Variants in ANO6 observed in about 807,000 individuals in gnomAD.
The protein encoded by ANO6 is anoctamin 6, also known as anoctamin-6.
Under a neutral mutation model 117.5 loss-of-function variants are expected in ANO6, and 106 were observed. The observed-to-expected ratio is 0.90, with a 90% CI of 0.77 to 1.06. The LOEUF (loss-of-function observed/expected upper bound fraction) is 1.06, where lower values mean the gene tolerates loss of function less well. Ranked by LOEUF, ANO6 falls within the 50% of genes least tolerant of loss-of-function variation. The probability of loss-of-function intolerance (pLI) is 0.00; values close to 1 mark genes in which losing one functional copy is unlikely to be tolerated. For synonymous variants in ANO6, 367 were observed against 385.1 expected (o/e 0.95, Z 0.55); for missense variants, 955 against 1,121.1 (o/e 0.85, Z 2.12).
intron 1 of ANO6, among the ~76,000 whole-genome samples, chr12:45,275,429 C>T (rs1428596595): frequency 2.6e-5 from 4 of 152,032 alleles, no homozygotes; most frequent in East Asian, 1.9e-4. Flanking sequence ...AGGCTGGTCT[C>T]GAACTCCTGA....
rs554474385 is a variant in ANO6 at position 45,293,960 on chromosome 12, C to T, written c.71-8054C>T. Among the ~76,000 whole-genome samples the T allele has an allele frequency of 9.9e-5, 15 of 152,116 alleles. No homozygotes were observed. The South Asian group carries it at 2.7e-3, about 27-fold the overall frequency. On this transcript the variant is annotated intron_variant, in intron 1 of 19. Coordinates refer to ENST00000320560, the MANE Select transcript of ANO6 (RefSeq NM_001025356.3). ...TAATAATGTGGCAGGTTTTACTAGACATCCAAATTAGTGCTATAGGAGCAT... is the reference window on the plus strand; with the variant it reads ...TAATAATGTGGCAGGTTTTACTAGATATCCAAATTAGTGCTATAGGAGCAT...
chr12:45,294,209 T>C (rs1939213049), intron 1 of ANO6, among the ~76,000 whole-genome samples: 1 of 152,154 alleles, frequency 6.6e-6, no homozygotes, highest in Admixed American at 6.5e-5. Context: ...GATTGGGGAA[T>C]TGAACTGATG....
intron 1 of ANO6, among the ~76,000 whole-genome samples, chr12:45,295,618 G>A (rs1939264695): frequency 6.6e-6 from 1 of 151,942 alleles, no homozygotes; most frequent in Admixed American, 6.6e-5. Context: ...CAGGGGTACA[G>A]GGGCCCAATT....
At chr12:45,369,651 C>G (rs1034862681) in intron 9 of ANO6, among the ~76,000 whole-genome samples, 12 of 151,920 alleles carry the variant, frequency 7.9e-5, no homozygotes, top group African/African-American at 2.9e-4. Context: ...AAAGAAAAAG[C>G]ACTTTTTCTG....
chr12:45,245,923 C>T (rs983370403), intron 1 of ANO6, among the ~76,000 whole-genome samples: 6 of 146,262 alleles, frequency 4.1e-5, no homozygotes, highest in African/African-American at 1.5e-4. Flanking sequence ...TAGGATTCCA[C>T]ATGTTAGATT....
intron 17 of ANO6, 86 bp from the exon 18 acceptor site, chr12:45,420,985 A>G (rs1943344739): frequency 2.1e-6 from 3 of 1,428,870 alleles, no homozygotes; most frequent in Non-Finnish European, 3.0e-6. Context: ...AGATCGTGCC[A>G]TGCAGCCTGG....
chr12:45,296,416 G>A (rs565603207), intron 1 of ANO6, among the ~76,000 whole-genome samples: 9 of 152,270 alleles, frequency 5.9e-5, no homozygotes, highest in African/African-American at 1.2e-4. Context: ...CCTGGCACAC[G>A]AATGTCTTTA....
intron 16 of ANO6, among the ~76,000 whole-genome samples, chr12:45,414,103 G>A (rs1943155043): frequency 1.3e-5 from 2 of 151,938 alleles, no homozygotes; most frequent in Non-Finnish European, 2.9e-5. Context: ...CAGTGGTGAG[G>A]GTCTCAGCAG....
At chr12:45,240,683 T>TG (rs1435635120) in intron 1 of ANO6, among the ~76,000 whole-genome samples, 1 of 152,204 alleles carries the variant, frequency 6.6e-6, no homozygotes. Flanking sequence ...TTGCAGTGGC[T>TG]GGTACTGGTT....
At chr12:45,278,144 A>T (rs1218060911) in intron 1 of ANO6, among the ~76,000 whole-genome samples, 1 of 152,006 alleles carries the variant, frequency 6.6e-6, no homozygotes, top group African/African-American at 2.4e-5. Context: ...TTTTGTAGAG[A>T]CAGGGTCTCT....
intron 9 of ANO6, among the ~76,000 whole-genome samples, chr12:45,375,660 A>G (rs1292344583): frequency 6.6e-6 from 1 of 152,018 alleles, no homozygotes; most frequent in Non-Finnish European, 1.5e-5. Context: ...ATATGTAGAA[A>G]GCTGAAACTG....
intron 1 of ANO6, among the ~76,000 whole-genome samples, chr12:45,231,289 A>T (rs186982454): frequency 1.3e-5 from 2 of 152,216 alleles, no homozygotes; most frequent in African/African-American, 4.8e-5. Flanking sequence ...TTACTGATAT[A>T]AAAAATGAAA....
At chr12:45,233,030 C>T (rs1042446028) in intron 1 of ANO6, among the ~76,000 whole-genome samples, 4 of 152,156 alleles carry the variant, frequency 2.6e-5, no homozygotes, top group African/African-American at 7.2e-5. Flanking sequence ...TAGAAGCCAA[C>T]GGGCCTCTGG....
intron 19 of ANO6, among the ~76,000 whole-genome samples, chr12:45,426,364 T>C (rs887323725): frequency 1.3e-5 from 2 of 152,136 alleles, no homozygotes; most frequent in African/African-American, 4.8e-5. Context: ...CACACTAATA[T>C]CTCTCACATC....
Position 45,314,721 on chromosome 12 carries a change from G to A in ANO6, c.150+12628G>A, listed in dbSNP as rs373333047. On this transcript the variant is annotated intron_variant, in intron 2 of 19. Transcript: ENST00000320560. ...TTACCAGGTCTTTTGACTGACGTCT[G>A]GAGAATGCCCACACAGAAATGGAGA... 1.2e-4 allele frequency among the ~76,000 whole-genome samples: 19 copies of A among 152,064 alleles called. No homozygotes were observed. In the East Asian group the frequency reaches 3.5e-3, roughly 28 times the overall value.
intron 15 of ANO6, among the ~76,000 whole-genome samples, chr12:45,408,322 C>G (rs951020005): frequency 6.6e-6 from 1 of 152,144 alleles, no homozygotes; most frequent in African/African-American, 2.4e-5. Flanking sequence ...ACAGGTAAAC[C>G]ACAAGCTGGC....
At chr12:45,298,243 A>G (rs1243335543) in intron 1 of ANO6, among the ~76,000 whole-genome samples, 1 of 152,228 alleles carries the variant, frequency 6.6e-6, no homozygotes, top group African/African-American at 2.4e-5. Flanking sequence ...TGAAGATAGT[A>G]CTTTTGCTGT....
intron 19 of ANO6, 23 bp from the exon 20 acceptor site, chr12:45,429,082 A>G (rs1466280531): frequency 6.2e-7 from 1 of 1,611,410 alleles, no homozygotes; most frequent in Admixed American, 1.7e-5. Context: ...TGTGAGTGAC[A>G]TTTTTCTTCT....
At position 45,429,254 on chromosome 12, in the gene ANO6, G is replaced by A. The variant is rs1943578964; in HGVS notation, c.2676G>A (p.Val892=). The change falls in exon 20 of 20, where the codon GTG becomes GTA. Residue 892 remains valine (V), a synonymous_variant. Transcript: ENST00000320560. ...HLKDMTKNMG[V]IAERMIEAVD... is the part of the protein sequence containing the mutation. ...AAGATATGACGAAAAATATGGGGGT[G>A]ATAGCTGAGCGGATGATAGAAGCAG... 6.2e-7 allele frequency: 1 copy of A among 1,613,916 alleles called. No homozygotes were observed. The highest frequency in any genetic ancestry group is 8.5e-7 in the Non-Finnish European group (1 of 1,179,914).
Sources: allele counts gnomAD v4.1 joint callset (sites outside exome capture counted in the v4.1 genomes callset), GRCh38; gene constraint gnomAD v4.1.1; transcripts MANE v1.5; gene names NCBI Gene and HGNC (gene_info 2026-07-23, HGNC 2026-07-21).